ANK3: variants seen among roughly 807,000 people sequenced by gnomAD.
The protein encoded by ANK3 is ankyrin 3.
Under a neutral mutation model 370.9 loss-of-function variants are expected in ANK3, and 57 were observed. The ratio of observed to expected loss-of-function variants is 0.15; its 90% CI spans 0.12 to 0.19. ANK3 has a LOEUF of 0.19. Among genes scored for constraint, ANK3 ranks in the 10% least tolerant of loss-of-function variants. ANK3 has a pLI of 1.00. For synonymous variants in ANK3, 1,929 were observed against 1,946.3 expected (o/e 0.99, Z 0.23); for missense variants, 4,439 against 5,302.1 (o/e 0.84, Z 5.06).
intron 8 of ANK3, among the ~76,000 whole-genome samples, chr10:60,226,453 TATAGTATATATAC>T (rs1470603511): frequency 1.8e-4 from 20 of 113,290 alleles, no homozygotes; most frequent in African/African-American, 6.7e-4. Context: ...TACTATAAAA[TATAGTATATATAC>T]ATAGTATATA....
intron 7 of ANK3, among the ~76,000 whole-genome samples, chr10:60,245,804 T>C (rs1026099823): frequency 6.6e-6 from 1 of 152,232 alleles, no homozygotes; most frequent in Admixed American, 6.5e-5. Flanking sequence ...AAATTTCTAA[T>C]ATTTGAATAG....
At chr10:60,547,727 G>T (rs1355383654) in intron 2 of ANK3, among the ~76,000 whole-genome samples, 2 of 151,948 alleles carry the variant, frequency 1.3e-5, no homozygotes, top group Admixed American at 6.6e-5. Flanking sequence ...GGCGGGAGGT[G>T]GGGAATAGGG....
chr10:60,692,794 G>C (rs937408369), intron 1 of ANK3, among the ~76,000 whole-genome samples: 1 of 152,312 alleles, frequency 6.6e-6, no homozygotes, highest in East Asian at 1.9e-4. Context: ...GCAAAATTCA[G>C]GTGTTAGCTG....
chr10:60,372,070 C>T (rs1389354204), intron 1 of ANK3, among the ~76,000 whole-genome samples: 1 of 152,172 alleles, frequency 6.6e-6, no homozygotes, highest in African/African-American at 2.4e-5. Context: ...TATAATTCTA[C>T]ACTTTACCGC....
chr10:60,629,532 A>G (rs567537171), intron 1 of ANK3, among the ~76,000 whole-genome samples: 71 of 152,252 alleles, frequency 4.7e-4, no homozygotes, highest in African/African-American at 1.6e-3. Context: ...TAACTCCTCT[A>G]CAACCACACA....
At chr10:60,435,024 G>C (rs1027910796) in intron 2 of ANK3, among the ~76,000 whole-genome samples, 10 of 152,132 alleles carry the variant, frequency 6.6e-5, no homozygotes, top group African/African-American at 2.2e-4. Flanking sequence ...CTGAAAAGAG[G>C]GTTGCGATTA....
At chr10:60,428,830 C>T (rs2063949269) in intron 2 of ANK3, among the ~76,000 whole-genome samples, 1 of 152,136 alleles carries the variant, frequency 6.6e-6, no homozygotes, top group African/African-American at 2.4e-5. Context: ...AGGAGAAATG[C>T]TGGCAGAAAG....
chr10:60,341,956 A>C (rs2054380172), intron 1 of ANK3, among the ~76,000 whole-genome samples: 1 of 152,192 alleles, frequency 6.6e-6, no homozygotes, highest in South Asian at 2.1e-4. Context: ...ATCTTCCAGA[A>C]AGATAAATAT....
intron 8 of ANK3, among the ~76,000 whole-genome samples, chr10:60,225,876 T>C (rs2097131340): frequency 6.6e-6 from 1 of 151,486 alleles, no homozygotes; most frequent in African/African-American, 2.4e-5. Context: ...ACATTATATA[T>C]ATCATTGGCT....
chr10:60,635,319 T>C (rs1224847444), intron 1 of ANK3, among the ~76,000 whole-genome samples: 1 of 152,184 alleles, frequency 6.6e-6, no homozygotes, highest in Non-Finnish European at 1.5e-5. Context: ...TATCTGTAAT[T>C]TGAATAAACT....
chr10:60,519,388 C>A (rs965599047), intron 2 of ANK3, among the ~76,000 whole-genome samples: 3 of 152,172 alleles, frequency 2.0e-5, no homozygotes, highest in East Asian at 3.9e-4. Context: ...GAGCTTATAG[C>A]CCAATGCTGG....
At chr10:60,058,484 G>A (rs1019959730) in intron 41 of ANK3, among the ~76,000 whole-genome samples, 8 of 152,116 alleles carry the variant, frequency 5.3e-5, no homozygotes, top group South Asian at 2.1e-4. Context: ...AATAAGACTC[G>A]TGGAAAAATA....
chr10:60,585,762 G>A (rs1453898457), intron 2 of ANK3, among the ~76,000 whole-genome samples: 3 of 152,158 alleles, frequency 2.0e-5, no homozygotes, highest in African/African-American at 4.8e-5. Flanking sequence ...AGTGGCTCAC[G>A]TACGTAATCC....
intron 2 of ANK3, among the ~76,000 whole-genome samples, chr10:60,588,351 A>G (rs975820220): frequency 6.6e-6 from 1 of 151,380 alleles, no homozygotes. Flanking sequence ...TGCTTGGCTA[A>G]TTTTTGTATT....
chr10:60,599,437 T>C (rs1453932760), intron 2 of ANK3, among the ~76,000 whole-genome samples: 1 of 152,252 alleles, frequency 6.6e-6, no homozygotes, highest in East Asian at 1.9e-4. Context: ...CAAATACTTT[T>C]AACATTACTC....
intron 1 of ANK3, among the ~76,000 whole-genome samples, chr10:60,683,044 T>G (rs1231998905): frequency 6.6e-6 from 1 of 151,976 alleles, no homozygotes; most frequent in Non-Finnish European, 1.5e-5. Flanking sequence ...CATCTCCAGG[T>G]AGACAGTGTC....
chr10:60,349,493 G>A (rs1429970937), intron 1 of ANK3, among the ~76,000 whole-genome samples: 1 of 136,288 alleles, frequency 7.3e-6, no homozygotes, highest in African/African-American at 2.6e-5. Context: ...AATATTCAGT[G>A]CATCTAGAAC....
chr10:60,202,299 T>C (rs1304436300), intron 12 of ANK3, among the ~76,000 whole-genome samples: 1 of 152,008 alleles, frequency 6.6e-6, no homozygotes, highest in Non-Finnish European at 1.5e-5. Flanking sequence ...TTTTGTATTT[T>C]TTAGTAGAGA....
rs546541860 is a variant in ANK3, at chr10:60,373,831, T to C, written c.114+15594A>G. Among the ~76,000 whole-genome samples, 3 of 152,158 alleles carry C rather than the reference T, an allele frequency of 2.0e-5. No homozygotes were observed. The South Asian group carries it at 6.2e-4, about 32-fold the overall frequency. On this transcript the variant is annotated intron_variant, in intron 1 of 43. Transcript: ENST00000280772. ...ACTGAAAGTGGAATCCTGGGAAACCTTTCAGTCCTGGGCAAACCAGGCCAG... is the reference window on the plus strand; with the variant it reads ...ACTGAAAGTGGAATCCTGGGAAACCCTTCAGTCCTGGGCAAACCAGGCCAG...
Sources: allele counts gnomAD v4.1 joint callset (sites outside exome capture counted in the v4.1 genomes callset), GRCh38; gene constraint gnomAD v4.1.1; transcripts MANE v1.5; gene names NCBI Gene and HGNC (gene_info 2026-07-23, HGNC 2026-07-21).